Variants in ARAP2 observed in about 807,000 individuals in gnomAD.
ARAP2 encodes the protein arf-GAP with Rho-GAP domain, ANK repeat and PH domain-containing protein 2.
In ARAP2, 148 loss-of-function variants were observed where a neutral mutation model predicts 194.5. The observed-to-expected ratio is 0.76, with a 90% CI of 0.67 to 0.87. ARAP2 has a LOEUF of 0.87. ARAP2 is among the 40% of genes least tolerant of loss of function. The probability of loss-of-function intolerance (pLI) is 0.00; values close to 1 mark genes in which losing one functional copy is unlikely to be tolerated. For missense variants in ARAP2, 2,128 were observed against 1,989.7 expected, an observed-to-expected ratio of 1.07 and a Z score of -1.32; for synonymous variants, 695 against 683.5, an observed-to-expected ratio of 1.02 and a Z score of -0.26.
At chr4:36,096,666 T>C (rs73225575) in intron 27 of ARAP2, among the ~76,000 whole-genome samples, 1,734 of 152,268 alleles carry the variant, frequency 0.011, 23 homozygotes, top group Admixed American at 0.02. Flanking sequence ...CAGTATTTTA[T>C]TGATCACACC....
chr4:36,147,633 A>T lies in ARAP2; in HGVS notation c.3114T>A (p.Ala1038=). The part of the protein sequence containing the change: ...ALDQWRKGWF[A]MDKSSLHFCL... ...AAAAATGCAAGCTGGATTTGTCCAT[A>T]GCAAACCAGCCTTTTCTCCACTGAT... Residue 1038 remains alanine, a synonymous_variant, in exon 18 of 33, where the codon GCT becomes GCA. Transcript: ENST00000303965. The T allele has an allele frequency of 6.2e-7, 1 of 1,613,648 alleles. No homozygotes were observed.
rs912292065 is a variant in ARAP2, at chr4:36,198,441, C to G, written c.1488-4794G>C. Among the ~76,000 whole-genome samples, 5 of 152,194 alleles carry G rather than the reference C, an allele frequency of 3.3e-5. No individual in the cohort carries two copies. In the South Asian group the frequency reaches 1.0e-3, roughly 32 times the overall value. ...CCCTGGCCTGAAGGTGGGGACTCAC[C>G]AAGGACCTGCCCCCTTCTGCCCATG... On this transcript the variant is annotated intron_variant, in intron 6 of 32. Transcript: ENST00000303965.
intron 9 of ARAP2, among the ~76,000 whole-genome samples, chr4:36,011,186 T>C (rs1714471874): frequency 6.6e-6 from 1 of 152,140 alleles, no homozygotes; most frequent in Non-Finnish European, 1.5e-5. Context: ...CCTACTCTTT[T>C]ATTCTACTGA....
chr4:36,092,889 C>T (rs975008987), intron 27 of ARAP2, among the ~76,000 whole-genome samples: 1 of 151,922 alleles, frequency 6.6e-6, no homozygotes, highest in Admixed American at 6.6e-5. Flanking sequence ...ATTTTTAAGG[C>T]ATTAAAGAAA....
At chr4:36,012,366 C>A (rs538043853) in intron 9 of ARAP2, among the ~76,000 whole-genome samples, 7 of 152,178 alleles carry the variant, frequency 4.6e-5, no homozygotes, top group Admixed American at 1.3e-4. Flanking sequence ...AGACTCCAAC[C>A]AGCCACCTGT....
chr4:36,162,145 T>G, intron 11 of ARAP2, among the ~76,000 whole-genome samples: 1 of 151,370 alleles, frequency 6.6e-6, no homozygotes, highest in Non-Finnish European at 1.5e-5. Flanking sequence ...CTTAAATATA[T>G]ATATATATAT....
chr4:36,026,770 C>CGGGA (rs1717986647), intron 5 of ARAP2, among the ~76,000 whole-genome samples: 1 of 152,194 alleles, frequency 6.6e-6, no homozygotes, highest in Admixed American at 6.5e-5. Flanking sequence ...GGGTGCCTCT[C>CGGGA]GGGACAGATG....
intron 32 of ARAP2, among the ~76,000 whole-genome samples, chr4:36,068,911 A>G (rs1450844933): frequency 6.6e-6 from 1 of 152,246 alleles, no homozygotes; most frequent in African/African-American, 2.4e-5. Flanking sequence ...TCATTTTAAC[A>G]TGCATTCAAC....
intron 9 of ARAP2, among the ~76,000 whole-genome samples, chr4:36,172,479 T>G (rs1736882471): frequency 6.6e-6 from 1 of 152,216 alleles, no homozygotes; most frequent in Admixed American, 6.5e-5. Context: ...TATTTCCATT[T>G]TTTAATAATT....
At chr4:36,027,970 T>C (rs1283551598) in intron 5 of ARAP2, among the ~76,000 whole-genome samples, 1 of 152,108 alleles carries the variant, frequency 6.6e-6, no homozygotes, top group Non-Finnish European at 1.5e-5. Context: ...GGAATGCAAA[T>C]AAATATTTAC....
chr4:36,108,297 T>C (rs933488850), intron 26 of ARAP2, among the ~76,000 whole-genome samples: 1 of 152,024 alleles, frequency 6.6e-6, no homozygotes, highest in Non-Finnish European at 1.5e-5. Flanking sequence ...AAACTTAATA[T>C]TGTCCGTTAC....
chr4:36,038,163 T>C (rs1510646), intron 5 of ARAP2, among the ~76,000 whole-genome samples: 123,096 of 152,112 alleles, frequency 0.81, 50,846 homozygotes, highest in Middle Eastern at 0.9. Flanking sequence ...CATCTTGGCC[T>C]ACACAGCTTT....
chr4:36,068,364 C>T (rs1179655499), intron 32 of ARAP2, 86 bp from the exon 33 acceptor site: 13 of 1,386,818 alleles, frequency 9.4e-6, no homozygotes, highest in Non-Finnish European at 1.1e-5. Context: ...AAAGTTGATG[C>T]TTCCTATAAA....
At chr4:36,061,277 G>A (rs1724393264), downstream of ARAP2, among the ~76,000 whole-genome samples, 2 of 152,068 alleles carry the variant, frequency 1.3e-5, no homozygotes, top group African/African-American at 4.8e-5. Flanking sequence ...ACCCTGTTGT[G>A]CTATCAAATG....
At chr4:36,022,625 T>G (rs983571246) in intron 5 of ARAP2, among the ~76,000 whole-genome samples, 1 of 152,164 alleles carries the variant, frequency 6.6e-6, no homozygotes, top group Non-Finnish European at 1.5e-5. Flanking sequence ...GAAGAGTCTT[T>G]TCTCAAGAAA....
intron 26 of ARAP2, among the ~76,000 whole-genome samples, chr4:36,110,007 A>G (rs1473974639): frequency 6.6e-6 from 1 of 151,794 alleles, no homozygotes; most frequent in Non-Finnish European, 1.5e-5. Context: ...TCACAATAAC[A>G]TGCTTCACTA....
intron 27 of ARAP2, among the ~76,000 whole-genome samples, chr4:36,100,590 T>C (rs1450352763): frequency 6.6e-6 from 1 of 152,004 alleles, no homozygotes; most frequent in East Asian, 1.9e-4. Flanking sequence ...TTCTTCAGAA[T>C]TGATTGTATA....
intron 32 of ARAP2, among the ~76,000 whole-genome samples, chr4:36,073,127 A>C (rs1727423219): frequency 6.6e-6 from 1 of 152,094 alleles, no homozygotes; most frequent in African/African-American, 2.4e-5. Context: ...AAGAGGCCAA[A>C]CTTCATGTCA....
chr4:36,073,759 T>C lies in ARAP2; in HGVS notation c.4673A>G (p.Lys1558Arg). The C allele has an allele frequency of 6.2e-7, 1 of 1,613,318 alleles. No homozygotes were observed. The highest frequency in any genetic ancestry group is 8.5e-7 in the Non-Finnish European group (1 of 1,179,440). ...ERKRSITKNP[K>R]IGGLPLIPIQ... ...AGGAATCAGAGGCAAACCTCCAATT[T>C]TGGGATTTTTGGTTATTGAACGTTT... The change falls in exon 32 of 33, where the codon AAA becomes AGA. Residue 1558 changes from lysine to arginine, a missense_variant. Physicochemically the swap from Lys to Arg is conservative, Grantham distance 26. Transcript: ENST00000303965.
Sources: allele counts gnomAD v4.1 joint callset (sites outside exome capture counted in the v4.1 genomes callset), GRCh38; gene constraint gnomAD v4.1.1; transcripts MANE v1.5; gene names NCBI Gene and HGNC (gene_info 2026-07-23, HGNC 2026-07-21).